GRIP1: variants seen among roughly 807,000 people sequenced by gnomAD.
GRIP1 encodes glutamate receptor-interacting protein 1.
GRIP1 carries 45 observed loss-of-function variants against 129.9 expected under a neutral mutation model. That is an observed-to-expected ratio of 0.35 (90% CI 0.27 to 0.44). The LOEUF (loss-of-function observed/expected upper bound fraction) is 0.44, where lower values mean the gene tolerates loss of function less well. Ranked by LOEUF, GRIP1 falls within the 20% of genes least tolerant of loss-of-function variation. The pLI is 1.00. For synonymous variants in GRIP1, 530 were observed against 520.8 expected (o/e 1.02, Z -0.24); for missense variants, 1,196 against 1,396.8 (o/e 0.86, Z 2.29).
At chr12:66,635,879 G>T (rs1452326245) in intron 1 of GRIP1, among the ~76,000 whole-genome samples, 1 of 152,062 alleles carries the variant, frequency 6.6e-6, no homozygotes, top group Non-Finnish European at 1.5e-5. Flanking sequence ...AGTAATCAGG[G>T]AAATGCAAAC....
chr12:66,362,391 G>T (rs895096970), intron 23 of GRIP1, among the ~76,000 whole-genome samples: 1 of 149,298 alleles, frequency 6.7e-6, no homozygotes, highest in East Asian at 1.9e-4. Context: ...AACCTCAAAT[G>T]ATCCACCCGC....
In GRIP1 at chr12:66,686,364, G is replaced by A. The variant is rs1018003874; in HGVS notation, c.-419-56028C>T. ...AAATTAAAAATTTGTCTTGGTCTGTGTATGAAGGAAATACCAAATACACAT... is the reference window on the plus strand; with the variant it reads ...AAATTAAAAATTTGTCTTGGTCTGTATATGAAGGAAATACCAAATACACAT... On this transcript the variant is annotated intron_variant, in intron 1 of 4. Transcript: ENST00000538373. 7.2e-5 allele frequency among the ~76,000 whole-genome samples: 11 copies of A among 152,224 alleles called. No homozygotes were observed. In the East Asian group the frequency reaches 1.5e-3, roughly 21 times the overall value.
intron 1 of GRIP1, among the ~76,000 whole-genome samples, chr12:67,056,159 T>C (rs1023932942): frequency 5.3e-5 from 8 of 152,212 alleles, no homozygotes; most frequent in Non-Finnish European, 1.2e-4. Flanking sequence ...TGTAACAAAT[T>C]ATCCCAAAAC....
intron 1 of GRIP1, among the ~76,000 whole-genome samples, chr12:66,999,223 GTTATC>G (rs987418602): frequency 1.3e-5 from 2 of 152,088 alleles, no homozygotes; most frequent in Non-Finnish European, 2.9e-5. Context: ...TCCAAATTGG[GTTATC>G]TTATCAATTT....
Position 66,394,111 on chromosome 12 carries a change from CAG to C in GRIP1, c.2129+95_2129+96del. ...CTTTGTGCAGATTTTTAAAAGCCAA[CAG>C]ATAACCACAGAGAGAGGAGCATGTT... On this transcript the variant is annotated intron_variant, in intron 17 of 24. Transcript: ENST00000359742. 4 of 1,195,452 alleles carry C rather than the reference CAG, an allele frequency of 3.3e-6. No individual in the cohort carries two copies. In the South Asian group the frequency reaches 3.7e-5, roughly 11 times the overall value. 74.1% of individuals were successfully genotyped at this position (1,195,452 alleles called of 1,614,324 possible).
intron 1 of GRIP1, among the ~76,000 whole-genome samples, chr12:67,066,888 T>TTTATATATA (rs59891449): frequency 6.8e-4 from 86 of 125,642 alleles, no homozygotes; most frequent in African/African-American, 2.3e-3. Flanking sequence ...AAATATATAT[T>TTTATATATA]TATATATATA....
At chr12:66,847,740 A>C (rs1334970246) in intron 1 of GRIP1, among the ~76,000 whole-genome samples, 1 of 152,196 alleles carries the variant, frequency 6.6e-6, no homozygotes, top group African/African-American at 2.4e-5. Flanking sequence ...ATTCTGCTTT[A>C]GAATGTGTCT....
intron 1 of GRIP1, among the ~76,000 whole-genome samples, chr12:66,735,730 T>C (rs1182262961): frequency 5.3e-5 from 8 of 151,216 alleles, no homozygotes; most frequent in South Asian, 2.1e-4. Flanking sequence ...TCTGAGAAAA[T>C]AGGCCAAATA....
intron 1 of GRIP1, chr12:67,037,329 AAATAATAATAATAAT>A: frequency 7.2e-6 from 1 of 139,182 alleles, no homozygotes; most frequent in East Asian, 2.1e-4. Context: ...CTCTGCCTGA[AAATAATAATAATAAT>A]AATAATAATA....
intron 1 of GRIP1, among the ~76,000 whole-genome samples, chr12:66,913,992 A>T (rs915421505): frequency 9.9e-5 from 15 of 152,192 alleles, no homozygotes; most frequent in Non-Finnish European, 1.9e-4. Flanking sequence ...GTAATAGTAT[A>T]CTCTTGTTAA....
At chr12:66,566,018 T>G (rs1438717081) in intron 2 of GRIP1, among the ~76,000 whole-genome samples, 2 of 152,344 alleles carry the variant, frequency 1.3e-5, no homozygotes, top group East Asian at 3.9e-4. Flanking sequence ...AATGAGATTT[T>G]GGGCTGAGAC....
intron 1 of GRIP1, among the ~76,000 whole-genome samples, chr12:66,654,442 C>G (rs2033008612): frequency 6.6e-6 from 1 of 152,074 alleles, no homozygotes; most frequent in African/African-American, 2.4e-5. Context: ...AATGAAACAC[C>G]ATACGCAAAA....
intron 1 of GRIP1, among the ~76,000 whole-genome samples, chr12:66,933,655 C>A (rs1306533847): frequency 2.0e-5 from 3 of 152,082 alleles, no homozygotes; most frequent in African/African-American, 7.2e-5. Flanking sequence ...CCTCAGGGAG[C>A]TTATATTTTA....
intron 1 of GRIP1, among the ~76,000 whole-genome samples, chr12:66,898,255 C>A (rs2040785446): frequency 6.6e-6 from 1 of 152,176 alleles, no homozygotes; most frequent in Non-Finnish European, 1.5e-5. Context: ...TCCTCAGGAA[C>A]TGGTTATAGC....
intron 13 of GRIP1, 97 bp downstream of exon 13, chr12:66,444,487 C>T (rs1012765363): frequency 7.9e-5 from 76 of 965,856 alleles, no homozygotes; most frequent in Non-Finnish European, 9.8e-5. Context: ...AGCGAGACTC[C>T]GTCTCAAAAA....
rs116059306 is a variant in GRIP1, at chr12:66,778,325, T to C, written c.-420+25728A>G. ...GTGGCAAAAAGACTCTGAAGTTAGA[T>C]AGATAGGCAGTCATGAACTAAAAAC... On this transcript the variant is annotated intron_variant, in intron 1 of 4. Coordinates refer to the GRIP1 transcript ENST00000538373. Among the ~76,000 whole-genome samples the C allele has an allele frequency of 4.5e-3, 682 of 152,278 alleles. 7 individuals carry two copies. The highest frequency in any genetic ancestry group is 0.016 in the African/African-American group (661 of 41,572).
intron 1 of GRIP1, among the ~76,000 whole-genome samples, chr12:67,068,467 T>C (rs1009601503): frequency 4.6e-5 from 7 of 151,602 alleles, no homozygotes; most frequent in African/African-American, 1.7e-4. Flanking sequence ...GGGGACAATC[T>C]TTCCCCTCCT....
intron 1 of GRIP1, among the ~76,000 whole-genome samples, chr12:66,986,391 A>C (rs1030845148): frequency 3.3e-5 from 5 of 151,514 alleles, no homozygotes; most frequent in Non-Finnish European, 5.9e-5. Context: ...ATGTTTATTG[A>C]GGCACTATTC....
At chr12:67,068,996 G>A in intron 1 of GRIP1, 3 of 859,500 alleles carry the variant, frequency 3.5e-6, no homozygotes, top group Non-Finnish European at 2.8e-6. Context: ...GAGGCACCGG[G>A]CGGCCCCGGC....
Sources: allele counts gnomAD v4.1 joint callset (sites outside exome capture counted in the v4.1 genomes callset), GRCh38; gene constraint gnomAD v4.1.1; transcripts MANE v1.5; gene names NCBI Gene and HGNC (gene_info 2026-07-23, HGNC 2026-07-21).